THSD7B: variants seen among roughly 807,000 people sequenced by gnomAD.
THSD7B encodes thrombospondin type 1 domain containing 7B, also known as thrombospondin type-1 domain-containing protein 7B.
THSD7B carries 138 observed loss-of-function variants against 213.6 expected under a neutral mutation model. That is an observed-to-expected ratio of 0.65 (90% CI 0.56 to 0.74). The LOEUF (loss-of-function observed/expected upper bound fraction) is 0.74, where lower values mean the gene tolerates loss of function less well. Among genes scored for constraint, THSD7B ranks in the 30% least tolerant of loss-of-function variants. The pLI, the probability that THSD7B is intolerant of heterozygous loss-of-function variation, is 0.00. For synonymous variants in THSD7B, 742 were observed against 687.0 expected, an observed-to-expected ratio of 1.08 and a Z score of -1.25; for missense variants, 1,931 against 1,991.5, an observed-to-expected ratio of 0.97 and a Z score of 0.58.
intron 1 of THSD7B, among the ~76,000 whole-genome samples, chr2:136,766,638 T>C (rs1213240749): frequency 1.3e-5 from 2 of 152,152 alleles, no homozygotes; most frequent in African/African-American, 2.4e-5. Context: ...AAAAAAACTT[T>C]CGTTGGCGAA....
chr2:136,876,837 C>T (rs1235640400), intron 1 of THSD7B, among the ~76,000 whole-genome samples: 1 of 152,194 alleles, frequency 6.6e-6, no homozygotes, highest in Non-Finnish European at 1.5e-5. Context: ...ACAGCTGAAA[C>T]TTGTACACTA....
intron 5 of THSD7B, among the ~76,000 whole-genome samples, chr2:137,153,828 C>CA (rs1417873961): frequency 1.3e-5 from 2 of 152,096 alleles, no homozygotes; most frequent in African/African-American, 2.4e-5. Flanking sequence ...TATTGTTTCT[C>CA]AAAAATCATT....
intron 2 of THSD7B, among the ~76,000 whole-genome samples, chr2:137,014,355 G>A (rs1032525036): frequency 3.9e-5 from 6 of 152,154 alleles, no homozygotes; most frequent in South Asian, 2.1e-4. Context: ...TAAATGTATT[G>A]TGAATGGTCT....
intron 2 of THSD7B, among the ~76,000 whole-genome samples, chr2:136,980,254 C>T (rs777431973): frequency 5.3e-5 from 8 of 152,246 alleles, no homozygotes; most frequent in South Asian, 2.1e-4. Context: ...ATCAGGGACC[C>T]GCTTAAAGAG....
intron 2 of THSD7B, 64 bp from the exon 3 acceptor site, chr2:137,056,356 A>T: frequency 6.7e-7 from 1 of 1,500,586 alleles, no homozygotes; most frequent in Non-Finnish European, 9.0e-7. Context: ...ATTGACTTCT[A>T]CTTACCTGTG....
chr2:137,560,877 G>A (rs1330579884), intron 15 of THSD7B, among the ~76,000 whole-genome samples: 6 of 152,088 alleles, frequency 3.9e-5, no homozygotes, highest in Non-Finnish European at 4.4e-5. Flanking sequence ...TTAAAGCTGG[G>A]ACTGTGACTG....
chr2:137,101,819 G>C (rs999173767), intron 4 of THSD7B, among the ~76,000 whole-genome samples: 1 of 152,214 alleles, frequency 6.6e-6, no homozygotes, highest in Non-Finnish European at 1.5e-5. Flanking sequence ...CAAAGCTGCT[G>C]TAGCCAGACT....
chr2:137,210,654 T>C (rs1187411112), intron 7 of THSD7B, among the ~76,000 whole-genome samples: 3 of 152,044 alleles, frequency 2.0e-5, no homozygotes, highest in Non-Finnish European at 4.4e-5. Flanking sequence ...GTTTGATGTA[T>C]AGTAATACAT....
At position 137,132,683 on chromosome 2, in the gene THSD7B, A is replaced by G. The variant is rs1297562451; in HGVS notation, c.1369+17390A>G. Among the ~76,000 whole-genome samples the G allele has an allele frequency of 2.6e-5, 4 of 152,186 alleles. No individual in the cohort carries two copies. The East Asian group carries it at 7.7e-4, about 29-fold the overall frequency. On this transcript the variant is annotated intron_variant, in intron 5 of 27. Coordinates refer to ENST00000409968, the MANE Select transcript of THSD7B (RefSeq NM_001316349.2). The stretch of plus-strand genomic sequence containing the variant: ...AGGTCTACAATTGGAAAGGAATTCG[A>G]TTGATTGTCTGGTGCAAACCTCTCT...
intron 10 of THSD7B, among the ~76,000 whole-genome samples, chr2:137,245,921 A>G (rs781502323): frequency 6.6e-6 from 1 of 152,208 alleles, no homozygotes; most frequent in African/African-American, 2.4e-5. Flanking sequence ...TTCTAATTCA[A>G]TAGACCGAAA....
At chr2:137,386,004 C>T (rs1373431551) in intron 12 of THSD7B, among the ~76,000 whole-genome samples, 4 of 152,136 alleles carry the variant, frequency 2.6e-5, no homozygotes, top group South Asian at 2.1e-4. Context: ...AGACACTGAA[C>T]GTGTAATTAT....
At chr2:137,272,837 A>G (rs1348408243) in intron 11 of THSD7B, among the ~76,000 whole-genome samples, 175 bp downstream of exon 11, 1 of 152,100 alleles carries the variant, frequency 6.6e-6, no homozygotes, top group Non-Finnish European at 1.5e-5. Context: ...TGGGAGGAGT[A>G]GAGATATGAA....
chr2:137,068,787 G>T (rs1687425201), intron 3 of THSD7B, among the ~76,000 whole-genome samples: 1 of 152,010 alleles, frequency 6.6e-6, no homozygotes, highest in African/African-American at 2.4e-5. Flanking sequence ...GTAGGGACAA[G>T]TGGCATTCTG....
chr2:137,574,938 G>A lies in THSD7B; in HGVS notation c.3423+2382G>A, dbSNP rs148011578. 3.9e-5 allele frequency among the ~76,000 whole-genome samples: 6 copies of A among 152,178 alleles called. No homozygotes were observed. The East Asian group carries it at 1.2e-3, about 29-fold the overall frequency. ...TTTATAAGTGTCCTGTAGAACATGA[G>A]CTGATTTAAGGATCTTTAATATTTG... is the stretch of plus-strand genomic sequence containing the variant. On this transcript the variant is annotated intron_variant, in intron 17 of 27. Transcript: ENST00000409968.
intron 10 of THSD7B, among the ~76,000 whole-genome samples, chr2:137,262,677 A>G (rs1465725702): frequency 6.6e-6 from 1 of 152,086 alleles, no homozygotes; most frequent in Non-Finnish European, 1.5e-5. Flanking sequence ...TTTGTTTTCT[A>G]TTGCTTGGTT....
rs1680722899 is a variant in THSD7B, at chr2:137,546,417, ATATATATT to A, written c.3139-16803_3139-16796del. Among the ~76,000 whole-genome samples the A allele has an allele frequency of 1.3e-4, 4 of 29,838 alleles. 1 individual carries two copies. The highest frequency in any genetic ancestry group is 1.3e-3 in the South Asian group (1 of 746). The allele number at this position is 29,838 out of a possible 152,430, so 19.6% of individuals were successfully genotyped here. The stretch of plus-strand genomic sequence containing the variant: ...ATATTATATATATTATATATATATT[ATATATATT>A]ATATATATATTATATATATTATATA... On this transcript the variant is annotated intron_variant, in intron 15 of 27. Coordinates refer to ENST00000409968, the MANE Select transcript of THSD7B (RefSeq NM_001316349.2).
chr2:136,970,189 C>G (rs759329177), intron 2 of THSD7B, among the ~76,000 whole-genome samples: 1 of 152,076 alleles, frequency 6.6e-6, no homozygotes, highest in African/African-American at 2.4e-5. Flanking sequence ...AATGGCCAGG[C>G]ATGGTGGCTC....
intron 15 of THSD7B, among the ~76,000 whole-genome samples, chr2:137,501,327 G>A (rs1679699173): frequency 6.6e-6 from 1 of 151,906 alleles, no homozygotes; most frequent in African/African-American, 2.4e-5. Flanking sequence ...TTCTTTTTAT[G>A]AAGTATCTGA....
intron 4 of THSD7B, among the ~76,000 whole-genome samples, chr2:137,112,601 G>A (rs1399911435): frequency 6.6e-6 from 1 of 152,106 alleles, no homozygotes; most frequent in Non-Finnish European, 1.5e-5. Context: ...TATACAGAAT[G>A]CCCCATTCCT....
Sources: allele counts gnomAD v4.1 joint callset (sites outside exome capture counted in the v4.1 genomes callset), GRCh38; gene constraint gnomAD v4.1.1; transcripts MANE v1.5; gene names NCBI Gene and HGNC (gene_info 2026-07-23, HGNC 2026-07-21).